The following RBFOX1 variants were observed in gnomAD, a reference collection of about 807,000 sequenced individuals.
The protein encoded by RBFOX1 is RNA binding protein fox-1 homolog 1.
RBFOX1 carries 8 observed loss-of-function variants against 57.7 expected under a neutral mutation model. The ratio of observed to expected loss-of-function variants is 0.14; its 90% CI spans 0.08 to 0.25. The LOEUF is 0.25. Among genes scored for constraint, RBFOX1 ranks in the 10% least tolerant of loss-of-function variants. The probability of loss-of-function intolerance (pLI) is 1.00; values close to 1 mark genes in which losing one functional copy is unlikely to be tolerated. For synonymous variants in RBFOX1, 326 were observed against 222.4 expected (o/e 1.47, Z -4.15); for missense variants, 611 against 548.5 (o/e 1.11, Z -1.14).
At chr16:5,502,703 C>T (rs2043241219) in intron 2 of RBFOX1, among the ~76,000 whole-genome samples, 1 of 152,164 alleles carries the variant, frequency 6.6e-6, no homozygotes, top group Admixed American at 6.5e-5. Flanking sequence ...TTAACAGAAT[C>T]CTCTATTGAG....
intron 2 of RBFOX1, among the ~76,000 whole-genome samples, chr16:6,326,706 G>A (rs978939371): frequency 6.6e-6 from 1 of 151,746 alleles, no homozygotes; most frequent in Admixed American, 6.6e-5. Context: ...AACGTCCGTG[G>A]CCATGACCTA....
chr16:5,445,719 C>G (rs2068220349), intron 1 of RBFOX1, among the ~76,000 whole-genome samples: 1 of 152,188 alleles, frequency 6.6e-6, no homozygotes, highest in African/African-American at 2.4e-5. Flanking sequence ...TTCACATTTT[C>G]AGAGCATATT....
chr16:6,676,413 C>A (rs553025955), intron 3 of RBFOX1, among the ~76,000 whole-genome samples: 1 of 151,944 alleles, frequency 6.6e-6, no homozygotes, highest in African/African-American at 2.4e-5. Context: ...GGTCAACTCT[C>A]AATAGTAAAT....
chr16:6,631,517 A>T (rs1352147798), intron 2 of RBFOX1, among the ~76,000 whole-genome samples: 2 of 152,082 alleles, frequency 1.3e-5, no homozygotes, highest in African/African-American at 4.8e-5. Flanking sequence ...TCCTGAACAA[A>T]TATTAAGTGG....
intron 4 of RBFOX1, among the ~76,000 whole-genome samples, chr16:7,437,023 G>T (rs1373117478): frequency 6.6e-6 from 1 of 152,214 alleles, no homozygotes; most frequent in Non-Finnish European, 1.5e-5. Context: ...GGAGATTGCA[G>T]TAAGCCAAGA....
chr16:7,676,678 A>G, intron 13 of RBFOX1, 96 bp from the exon 14 acceptor site: 1 of 1,044,820 alleles, frequency 9.6e-7, no homozygotes, highest in Non-Finnish European at 1.5e-6. Flanking sequence ...AGCTCAGTAG[A>G]TTTGGGTAAC....
At chr16:7,421,525 C>G (rs995385197) in intron 4 of RBFOX1, among the ~76,000 whole-genome samples, 1 of 152,172 alleles carries the variant, frequency 6.6e-6, no homozygotes, top group African/African-American at 2.4e-5. Context: ...TTTTCTAAGG[C>G]AGGAATCTGA....
At chr16:5,544,848 A>G (rs1405185156) in intron 2 of RBFOX1, among the ~76,000 whole-genome samples, 1 of 152,064 alleles carries the variant, frequency 6.6e-6, no homozygotes, top group Admixed American at 6.6e-5. Flanking sequence ...TTTAAGAACT[A>G]GGTAACCGTA....
intron 1 of RBFOX1, among the ~76,000 whole-genome samples, chr16:5,437,033 G>T (rs909046558): frequency 2.0e-5 from 3 of 152,180 alleles, no homozygotes; most frequent in Non-Finnish European, 2.9e-5. Flanking sequence ...GGCTGCAAGA[G>T]ACAGGCTTTC....
intron 4 of RBFOX1, among the ~76,000 whole-genome samples, chr16:7,452,026 A>G (rs1443469111): frequency 1.1e-4 from 16 of 152,246 alleles, no homozygotes; most frequent in Admixed American, 6.5e-4. Context: ...TTCTTATTCC[A>G]TGACCAAAGC....
chr16:6,828,940 C>G (rs987402304), intron 3 of RBFOX1, among the ~76,000 whole-genome samples: 9 of 152,056 alleles, frequency 5.9e-5, no homozygotes, highest in Non-Finnish European at 1.2e-4. Flanking sequence ...TTGAGTCCGC[C>G]TACACTCCCC....
chr16:5,667,430 A>T (rs79664425), intron 3 of RBFOX1, among the ~76,000 whole-genome samples: 2,253 of 152,282 alleles, frequency 0.015, 48 homozygotes, highest in African/African-American at 0.051. Flanking sequence ...TTCTGTTTAG[A>T]AATATATTTT....
intron 3 of RBFOX1, among the ~76,000 whole-genome samples, chr16:6,815,264 G>A (rs568310180): frequency 1.3e-5 from 2 of 152,164 alleles, no homozygotes; most frequent in East Asian, 3.9e-4. Flanking sequence ...GGTTTTGGTG[G>A]GTTTTGGCCG....
chr16:6,547,660 A>G (rs1283933215), intron 2 of RBFOX1, among the ~76,000 whole-genome samples: 2 of 152,136 alleles, frequency 1.3e-5, no homozygotes, highest in Non-Finnish European at 1.5e-5. Flanking sequence ...AGTAAATGTG[A>G]TCGCTTTTTG....
chr16:5,556,236 T>A (rs770358852), intron 2 of RBFOX1, among the ~76,000 whole-genome samples: 1 of 152,216 alleles, frequency 6.6e-6, no homozygotes, highest in Admixed American at 6.5e-5. Flanking sequence ...GAGGCTTTGC[T>A]TTGCTTTAAG....
intron 1 of RBFOX1, among the ~76,000 whole-genome samples, chr16:6,093,700 C>A (rs8044700): frequency 0.84 from 127,839 of 152,024 alleles, 54,353 homozygotes; most frequent in South Asian, 0.9. Flanking sequence ...TAGCTCCCTG[C>A]AGCCTTAACC....
intron 4 of RBFOX1, among the ~76,000 whole-genome samples, chr16:7,472,141 C>G (rs1174922145): frequency 6.6e-6 from 1 of 152,152 alleles, no homozygotes. Context: ...TTTATAATTT[C>G]TTCTTTTTAT....
Position 6,722,418 on chromosome 16 carries a change from T to G in RBFOX1, c.-16+67768T>G, listed in dbSNP as rs1483965846. Among the ~76,000 whole-genome samples the G allele has an allele frequency of 2.6e-5, 4 of 152,230 alleles. No homozygotes were observed. In the South Asian group the frequency reaches 6.2e-4, roughly 24 times the overall value. The stretch of plus-strand genomic sequence containing the variant: ...TCATGTCCTTAGGAAGTATATTATT[T>G]GCAGAGCAGCTGGAAACATCTCATT... On this transcript the variant is annotated intron_variant, in intron 3 of 15. Coordinates refer to ENST00000550418, the MANE Select transcript of RBFOX1 (RefSeq NM_018723.4).
Position 5,837,252 on chromosome 16 carries a change from G to T in RBFOX1, c.319-30051G>T, listed in dbSNP as rs116103155. ...TTCCAGTCCCGCTAGACTTTTCTCA[G>T]TTTTTTTTTTTTAACTACACACAAA... On this transcript the variant is annotated intron_variant, in intron 3 of 19. Coordinates refer to the RBFOX1 transcript ENST00000641259. Among the ~76,000 whole-genome samples the T allele has an allele frequency of 9.3e-3, 1,352 of 145,370 alleles. 19 individuals carry two copies. Among genetic ancestry groups the T allele is most frequent in the African/African-American group, 0.031 (1,251 of 39,792 alleles).
Sources: allele counts gnomAD v4.1 joint callset (sites outside exome capture counted in the v4.1 genomes callset), GRCh38; gene constraint gnomAD v4.1.1; transcripts MANE v1.5; gene names NCBI Gene and HGNC (gene_info 2026-07-23, HGNC 2026-07-21).